The following PPP1R16B variants were observed in gnomAD, a reference collection of about 807,000 sequenced individuals.
The protein encoded by PPP1R16B is protein phosphatase 1 regulatory subunit 16B.
PPP1R16B carries 14 observed loss-of-function variants against 61.7 expected under a neutral mutation model. That is an observed-to-expected ratio of 0.23 (90% CI 0.15 to 0.35). The LOEUF is 0.35. Ranked by LOEUF, PPP1R16B falls within the 10% of genes least tolerant of loss-of-function variation. PPP1R16B has a pLI of 1.00. For missense variants in PPP1R16B, 547 were observed against 752.5 expected (o/e 0.73, Z 3.19); for synonymous variants, 266 against 305.3 (o/e 0.87, Z 1.34).
At chr20:38,870,382 G>A (rs1251679679) in intron 2 of PPP1R16B, among the ~76,000 whole-genome samples, 1 of 152,170 alleles carries the variant, frequency 6.6e-6, no homozygotes, top group African/African-American at 2.4e-5. Flanking sequence ...TTAAAAGTCT[G>A]ACTAAATGCT....
intron 4 of PPP1R16B, among the ~76,000 whole-genome samples, chr20:38,895,996 C>A (rs199658657): frequency 1.2e-5 from 1 of 85,532 alleles, no homozygotes; most frequent in African/African-American, 6.6e-5. Flanking sequence ...CCTTCTTTCT[C>A]TCCTCCCTTC....
chr20:38,864,659 G>A (rs1179702843), intron 2 of PPP1R16B, among the ~76,000 whole-genome samples: 1 of 152,178 alleles, frequency 6.6e-6, no homozygotes, highest in Non-Finnish European at 1.5e-5. Flanking sequence ...CGGACTTCAT[G>A]TATAACAGAG....
intron 2 of PPP1R16B, among the ~76,000 whole-genome samples, chr20:38,885,733 G>A (rs969604505): frequency 1.3e-5 from 2 of 152,200 alleles, no homozygotes; most frequent in Admixed American, 6.5e-5. Flanking sequence ...TGAATTGACC[G>A]AGGTGCAAAT....
rs1266804931 is a variant in PPP1R16B, at chr20:38,922,182, T to A, written c.*3516T>A. The A allele has an allele frequency of 6.6e-6, 1 of 152,512 alleles. No homozygotes were observed. The highest frequency in any genetic ancestry group is 1.5e-5 in the Non-Finnish European group (1 of 68,060). The allele number at this position is 152,512 out of a possible 1,614,324, so 9.4% of individuals were successfully genotyped here. On this transcript the variant is annotated 3_prime_UTR_variant, in exon 11 of 11. Coordinates refer to ENST00000299824, the MANE Select transcript of PPP1R16B (RefSeq NM_015568.4). ...ATCAAATATACAGCATAAGTAAAACTGCTCTGCACTGTTTAATCCATTTCC... is the reference window on the plus strand; with the variant it reads ...ATCAAATATACAGCATAAGTAAAACAGCTCTGCACTGTTTAATCCATTTCC...
chr20:38,887,063 G>C (rs1030994050), intron 2 of PPP1R16B, among the ~76,000 whole-genome samples: 6 of 152,178 alleles, frequency 3.9e-5, no homozygotes, highest in Admixed American at 3.3e-4. Context: ...GTGTGTGTGT[G>C]TGTGTGTGTT....
intron 3 of PPP1R16B, among the ~76,000 whole-genome samples, chr20:38,890,942 C>T (rs2085287620): frequency 6.6e-6 from 1 of 152,170 alleles, no homozygotes. Flanking sequence ...GCTTCTCTCT[C>T]ACAGGGCCTC....
At chr20:38,816,069 C>T (rs557126490) in intron 1 of PPP1R16B, among the ~76,000 whole-genome samples, 1 of 151,774 alleles carries the variant, frequency 6.6e-6, no homozygotes, top group East Asian at 1.9e-4. Flanking sequence ...AAGAAAACAA[C>T]TTGATTAGAA....
At chr20:38,831,277 G>C (rs1389588137) in intron 1 of PPP1R16B, among the ~76,000 whole-genome samples, 1 of 152,186 alleles carries the variant, frequency 6.6e-6, no homozygotes, top group Non-Finnish European at 1.5e-5. Flanking sequence ...TCCTGGCATT[G>C]GGCTGTGTTC....
At chr20:38,864,633 C>A (rs79176887) in intron 2 of PPP1R16B, among the ~76,000 whole-genome samples, 4 of 152,152 alleles carry the variant, frequency 2.6e-5, no homozygotes, top group African/African-American at 9.7e-5. Context: ...AGCTGCCCCC[C>A]ACTGCAACCA....
At chr20:38,886,473 C>T (rs576138686) in intron 2 of PPP1R16B, among the ~76,000 whole-genome samples, 1 of 152,148 alleles carries the variant, frequency 6.6e-6, no homozygotes, top group African/African-American at 2.4e-5. Flanking sequence ...GGATTTGAAC[C>T]CCTAGCTAAT....
intron 2 of PPP1R16B, among the ~76,000 whole-genome samples, chr20:38,836,679 C>T (rs938323859): frequency 7.9e-5 from 12 of 152,154 alleles, no homozygotes; most frequent in Non-Finnish European, 1.6e-4. Flanking sequence ...GTTTAAACAT[C>T]TTCGTTCATT....
intron 2 of PPP1R16B, among the ~76,000 whole-genome samples, chr20:38,862,836 C>T (rs1568665759): frequency 1.3e-5 from 2 of 152,196 alleles, no homozygotes; most frequent in African/African-American, 4.8e-5. Flanking sequence ...CAGTTATGGC[C>T]TTTGGAGGCT....
chr20:38,871,301 TC>T (rs1568668800), intron 2 of PPP1R16B, among the ~76,000 whole-genome samples: 1 of 152,056 alleles, frequency 6.6e-6, no homozygotes, highest in Non-Finnish European at 1.5e-5. Context: ...GGAATTTGGC[TC>T]CTTTTGAAAT....
chr20:38,899,454 G>T (rs2085374987), intron 4 of PPP1R16B, among the ~76,000 whole-genome samples: 1 of 152,204 alleles, frequency 6.6e-6, no homozygotes, highest in East Asian at 1.9e-4. Context: ...ACTCTTTCAG[G>T]AGGGCTGGAG....
chr20:38,896,008 C>T (rs114085499), intron 4 of PPP1R16B, among the ~76,000 whole-genome samples: 22 of 123,616 alleles, frequency 1.8e-4, no homozygotes, highest in African/African-American at 7.1e-4. Context: ...CCTCCCTTCC[C>T]CCCTTCCTTC....
chr20:38,825,856 G>A (rs563179144), intron 1 of PPP1R16B, among the ~76,000 whole-genome samples: 6 of 152,304 alleles, frequency 3.9e-5, no homozygotes, highest in Admixed American at 1.3e-4. Context: ...ACAGAATTGC[G>A]TACTCAGTGT....
chr20:38,830,119 C>A (rs2084828052), intron 1 of PPP1R16B, among the ~76,000 whole-genome samples: 1 of 152,212 alleles, frequency 6.6e-6, no homozygotes, highest in South Asian at 2.1e-4. Flanking sequence ...GGAGGGAGCA[C>A]TGTGCTGTGA....
intron 1 of PPP1R16B, among the ~76,000 whole-genome samples, chr20:38,831,946 C>A (rs2084840066): frequency 6.6e-6 from 1 of 152,204 alleles, no homozygotes; most frequent in Admixed American, 6.5e-5. Context: ...CATGCTTGTG[C>A]ATGTTGGTTT....
intron 2 of PPP1R16B, among the ~76,000 whole-genome samples, chr20:38,884,006 G>C (rs208796): frequency 0.52 from 78,619 of 152,008 alleles, 21,157 homozygotes; most frequent in South Asian, 0.74. Flanking sequence ...CTGGGACTTG[G>C]GGCTTTGTGG....
Sources: allele counts gnomAD v4.1 joint callset (sites outside exome capture counted in the v4.1 genomes callset), GRCh38; gene constraint gnomAD v4.1.1; transcripts MANE v1.5; gene names NCBI Gene and HGNC (gene_info 2026-07-23, HGNC 2026-07-21).